Variants in SLC24A2 observed in about 807,000 individuals in gnomAD.
The protein encoded by SLC24A2 is solute carrier family 24 member 2, also known as sodium/potassium/calcium exchanger 2.
SLC24A2 carries 36 observed loss-of-function variants against 62.0 expected under a neutral mutation model. The ratio of observed to expected loss-of-function variants is 0.58; its 90% CI spans 0.44 to 0.77. SLC24A2 has a LOEUF of 0.77. Ranked by LOEUF, SLC24A2 falls within the 30% of genes least tolerant of loss-of-function variation. SLC24A2 has a pLI of 0.00. For synonymous variants in SLC24A2, 358 were observed against 294.0 expected (o/e 1.22, Z -2.23); for missense variants, 846 against 817.9 (o/e 1.03, Z -0.42).
chr9:19,865,865 A>G, the SLC24A2 span, among the ~76,000 whole-genome samples: 2 of 152,334 alleles, frequency 1.3e-5, no homozygotes, highest in East Asian at 3.9e-4. Context: ...CAGCAAGTTA[A>G]AAAGCTTCTG....
At chr9:19,546,437 G>A (rs995367073) in intron 8 of SLC24A2, among the ~76,000 whole-genome samples, 5 of 152,242 alleles carry the variant, frequency 3.3e-5, no homozygotes, top group Non-Finnish European at 1.5e-5. Context: ...TTGCTGAGCT[G>A]CAGTGGGCTC....
At chr9:19,656,018 C>G (rs1470903876) in intron 2 of SLC24A2, among the ~76,000 whole-genome samples, 1 of 152,224 alleles carries the variant, frequency 6.6e-6, no homozygotes, top group East Asian at 1.9e-4. Context: ...ATCACTGTCT[C>G]CCGGTTGGAT....
At chr9:20,032,841 G>A in the SLC24A2 span, among the ~76,000 whole-genome samples, 2 of 152,158 alleles carry the variant, frequency 1.3e-5, no homozygotes, top group East Asian at 3.9e-4. Flanking sequence ...AGGGACAGGA[G>A]CAGGGATGGA....
intron 2 of SLC24A2, among the ~76,000 whole-genome samples, chr9:19,738,089 C>G (rs765393565): frequency 1.3e-5 from 2 of 152,138 alleles, no homozygotes; most frequent in Non-Finnish European, 2.9e-5. Flanking sequence ...AAAAAAAGCT[C>G]AGACCTACTG....
chr9:19,981,919 C>T, the SLC24A2 span, among the ~76,000 whole-genome samples: 2 of 152,298 alleles, frequency 1.3e-5, no homozygotes, highest in East Asian at 3.9e-4. Flanking sequence ...TCCCTACCCA[C>T]TATGAGATTA....
chr9:19,850,035 TG>T, the SLC24A2 span, among the ~76,000 whole-genome samples: 3 of 151,368 alleles, frequency 2.0e-5, no homozygotes, highest in Admixed American at 6.6e-5. Context: ...TTTTTTTTTT[TG>T]TAGGATGAAT....
the SLC24A2 span, among the ~76,000 whole-genome samples, chr9:20,099,654 C>G: frequency 2.8e-3 from 420 of 152,144 alleles, 1 homozygote; most frequent in African/African-American, 9.6e-3. Context: ...CAGGGGATGA[C>G]CAAACATCAA....
intron 2 of SLC24A2, among the ~76,000 whole-genome samples, chr9:19,721,787 T>C (rs1821032107): frequency 6.6e-6 from 1 of 152,146 alleles, no homozygotes; most frequent in Non-Finnish European, 1.5e-5. Flanking sequence ...TCATCCTATT[T>C]AATCTTTGCC....
chr9:19,864,362 G>T, the SLC24A2 span, among the ~76,000 whole-genome samples: 14 of 150,552 alleles, frequency 9.3e-5, no homozygotes, highest in East Asian at 2.3e-3. Context: ...ACAAGACAAA[G>T]AACCAGAAAA....
At chr9:19,753,144 A>C (rs1347363192) in intron 2 of SLC24A2, among the ~76,000 whole-genome samples, 2 of 152,172 alleles carry the variant, frequency 1.3e-5, no homozygotes, top group African/African-American at 4.8e-5. Flanking sequence ...AGGACACAAA[A>C]GGCACCGTTT....
At chr9:19,980,512 G>T in the SLC24A2 span, among the ~76,000 whole-genome samples, 1 of 152,068 alleles carries the variant, frequency 6.6e-6, no homozygotes, top group Non-Finnish European at 1.5e-5. Context: ...AGTCTTTCTG[G>T]CACATAGTGG....
At chr9:19,546,823 G>A (rs1243452588) in intron 8 of SLC24A2, among the ~76,000 whole-genome samples, 2 of 152,172 alleles carry the variant, frequency 1.3e-5, no homozygotes, top group African/African-American at 4.8e-5. Context: ...CCAGGACACT[G>A]GAGGGTATCT....
At chr9:20,070,499 A>C in the SLC24A2 span, among the ~76,000 whole-genome samples, 1 of 152,216 alleles carries the variant, frequency 6.6e-6, no homozygotes, top group Non-Finnish European at 1.5e-5. Context: ...TTGTAAATGA[A>C]CCAAAGAAAC....
the SLC24A2 span, among the ~76,000 whole-genome samples, chr9:20,037,648 C>G: frequency 6.6e-6 from 1 of 152,252 alleles, no homozygotes; most frequent in East Asian, 1.9e-4. Flanking sequence ...ATTTACAAGT[C>G]AGGCGCTTAT....
chr9:19,793,743 C>T (rs541061955), upstream of SLC24A2, among the ~76,000 whole-genome samples: 2 of 152,158 alleles, frequency 1.3e-5, no homozygotes, highest in Non-Finnish European at 2.9e-5. Context: ...TACTATTCCT[C>T]ATAGTATATG....
the SLC24A2 span, among the ~76,000 whole-genome samples, chr9:20,281,028 G>C: frequency 0.66 from 100,991 of 152,000 alleles, 35,396 homozygotes; most frequent in East Asian, 0.96. Context: ...TTCCTGGGAT[G>C]AATGGATCCC....
chr9:19,584,615 T>C (rs1345329797), intron 5 of SLC24A2, among the ~76,000 whole-genome samples: 1 of 152,156 alleles, frequency 6.6e-6, no homozygotes, highest in Non-Finnish European at 1.5e-5. Flanking sequence ...TTTTTATTCT[T>C]AAAAGCAAAA....
At chr9:20,003,294 G>A in the SLC24A2 span, among the ~76,000 whole-genome samples, 1 of 152,098 alleles carries the variant, frequency 6.6e-6, no homozygotes, top group African/African-American at 2.4e-5. Flanking sequence ...TAGCCACATA[G>A]CCACATATCC....
At chr9:19,835,093 A>G in the SLC24A2 span, among the ~76,000 whole-genome samples, 6 of 152,308 alleles carry the variant, frequency 3.9e-5, no homozygotes, top group South Asian at 1.2e-3. Context: ...CATGGAAAGG[A>G]ACAACCAGTA....
Sources: gnomAD v4.1 joint callset for allele counts (sites outside exome capture counted in the v4.1 genomes callset) on GRCh38, gnomAD v4.1.1 for gene constraint, MANE v1.5 for transcripts, NCBI Gene and HGNC (gene_info 2026-07-23, HGNC 2026-07-21) for gene names.